Variants in ROS1 observed in about 807,000 individuals in gnomAD.
ROS1 encodes proto-oncogene tyrosine-protein kinase ROS.
ROS1 carries 263 observed loss-of-function variants against 273.5 expected under a neutral mutation model. That is an observed-to-expected ratio of 0.96 (90% CI 0.87 to 1.06). The LOEUF is 1.06. ROS1 is among the 50% of genes least tolerant of loss of function. The probability of loss-of-function intolerance (pLI) is 0.00; values close to 1 mark genes in which losing one functional copy is unlikely to be tolerated. For missense variants in ROS1, 2,833 were observed against 2,751.1 expected (o/e 1.03, Z -0.67); for synonymous variants, 1,008 against 954.1 (o/e 1.06, Z -1.04).
chr6:117,407,011 G>A (rs1774461152), intron 5 of ROS1, among the ~76,000 whole-genome samples: 1 of 107,206 alleles, frequency 9.3e-6, no homozygotes, highest in Non-Finnish European at 1.9e-5. Flanking sequence ...GCACATCAGT[G>A]CACAGCTTGG....
chr6:117,347,519 C>T (rs116154191), intron 27 of ROS1, among the ~76,000 whole-genome samples: 1 of 152,082 alleles, frequency 6.6e-6, no homozygotes, highest in African/African-American at 2.4e-5. Context: ...ACAAAGACAG[C>T]GTTATTTCTT....
intron 4 of ROS1, among the ~76,000 whole-genome samples, chr6:117,411,038 G>T (rs1196427926): frequency 6.6e-6 from 1 of 152,110 alleles, no homozygotes; most frequent in Non-Finnish European, 1.5e-5. Flanking sequence ...GAGAAGAGAC[G>T]AGATGTATTT....
At chr6:117,340,490 TA>T (rs1425702213) in intron 31 of ROS1, among the ~76,000 whole-genome samples, 1 of 152,182 alleles carries the variant, frequency 6.6e-6, no homozygotes, top group Non-Finnish European at 1.5e-5. Flanking sequence ...ATATAATAGT[TA>T]AAATAACAAG....
rs772396536 is a variant in ROS1 at position 117,362,716 on chromosome 6, T to C, written c.3253A>G (p.Asn1085Asp). ...TKFEIFYNIS[N>D]QSITNKTCED... ...CATGTTTTGTTTGTAATACTTTGAT[T>C]GGATATATTGTAGAAAATTTCAAAT... Residue 1085 changes from asparagine to aspartate, a missense_variant, in exon 22 of 44, where the codon AAT becomes GAT. Physicochemically the swap from Asn to Asp is conservative, Grantham distance 23 (BLOSUM62 1). Coordinates refer to ENST00000368507, the MANE Select transcript of ROS1 (RefSeq NM_001378902.1). 6.3e-5 allele frequency: 101 copies of C among 1,613,754 alleles called. No individual in the cohort carries two copies. The highest frequency in any genetic ancestry group is 8.5e-5 in the Non-Finnish European group (100 of 1,179,724).
chr6:117,383,285 T>C (rs971234821), intron 17 of ROS1, 32 bp downstream of exon 17: 21 of 1,484,884 alleles, frequency 1.4e-5, no homozygotes, highest in Non-Finnish European at 1.9e-5. Flanking sequence ...CTATTCAGTA[T>C]TACTAAATGA....
intron 27 of ROS1, among the ~76,000 whole-genome samples, chr6:117,348,410 C>A: frequency 6.6e-6 from 1 of 151,886 alleles, no homozygotes; most frequent in Non-Finnish European, 1.5e-5. Flanking sequence ...CTTTTAATCT[C>A]CATGGGTTCT....
intron 7 of ROS1, among the ~76,000 whole-genome samples, chr6:117,398,131 T>A (rs1321653196): frequency 6.6e-6 from 1 of 152,156 alleles, no homozygotes; most frequent in Admixed American, 6.5e-5. Context: ...AGAAATAAAT[T>A]TCTCCCACTG....
chr6:117,347,998 T>G (rs986173084), intron 27 of ROS1, among the ~76,000 whole-genome samples: 3 of 152,088 alleles, frequency 2.0e-5, no homozygotes, highest in African/African-American at 7.2e-5. Flanking sequence ...TTTGCAATTC[T>G]TGCAATATTC....
At position 117,403,233 on chromosome 6, in the gene ROS1, G is replaced by C. The variant is rs1774100802; in HGVS notation, c.510C>G (p.Phe170Leu). ...AAACCACTCGGAAAATGTACTCAGTGAAGGGGTGCAGGGGCTTGACCACAT... is the reference window on the plus strand; with the variant it reads ...AAACCACTCGGAAAATGTACTCAGTCAAGGGGTGCAGGGGCTTGACCACAT... The part of the protein sequence containing the change: ...PSYVVKPLHP[F>L]TEYIFRVVWI... Residue 170 changes from phenylalanine to leucine, a missense_variant, in exon 7 of 44, where the codon TTC becomes TTG. Transcript: ENST00000368507. The C allele has an allele frequency of 6.2e-7, 1 of 1,612,348 alleles. No individual in the cohort carries two copies. The highest frequency in any genetic ancestry group is 1.3e-5 in the African/African-American group (1 of 74,882).
chr6:117,372,836 A>G (rs1162770149), intron 18 of ROS1, among the ~76,000 whole-genome samples: 2 of 152,192 alleles, frequency 1.3e-5, no homozygotes, highest in Non-Finnish European at 2.9e-5. Context: ...CACTGTGGAA[A>G]AGGATCCATT....
In ROS1 at chr6:117,308,799, A is replaced by G; in HGVS notation, c.6546T>C (p.Asp2182=). Residue 2182 remains aspartate, a synonymous_variant, in exon 42 of 44, where the codon GAT becomes GAC. Transcript: ENST00000368507. The part of the protein sequence containing the change: ...GRLEPPRNCP[D]DLWNLMTQCW... ...TGTTAACATAATTAACTTACAGATCATCAGGACAATTTCTTGGTGGCTCCA... is the reference window on the plus strand; with the variant it reads ...TGTTAACATAATTAACTTACAGATCGTCAGGACAATTTCTTGGTGGCTCCA... 1.2e-6 allele frequency: 2 copies of G among 1,612,650 alleles called. No homozygotes were observed. Among genetic ancestry groups the G allele is most frequent in the Non-Finnish European group, 1.7e-6 (2 of 1,179,364 alleles).
rs1337370599 is a variant in ROS1, at chr6:117,341,524, T to A, written c.4760A>T (p.Tyr1587Phe). 2.5e-6 allele frequency: 4 copies of A among 1,613,684 alleles called. No homozygotes were observed. The highest frequency in any genetic ancestry group is 2.7e-5 in the African/African-American group (2 of 74,890). The change falls in exon 30 of 44, where the codon TAT (tyrosine) becomes TTT (phenylalanine). Residue 1587 changes from tyrosine (Y) to phenylalanine (F), a missense_variant. Tyr to Phe is a conservative substitution (Grantham distance 22). Transcript: ENST00000368507. ...KPNGPKESVR[Y>F]QLAISHLALI... is the part of the protein sequence containing the mutation. Reference sequence around the variant, plus strand: ...GGCCAGGTGTGAGATTGCCAACTGATAACGGACTGATTCTTTAGGTCCATT... The same window carrying A: ...GGCCAGGTGTGAGATTGCCAACTGAAAACGGACTGATTCTTTAGGTCCATT...
chr6:117,423,099 G>A (rs1775879507), intron 1 of ROS1, among the ~76,000 whole-genome samples: 1 of 152,132 alleles, frequency 6.6e-6, no homozygotes, highest in Non-Finnish European at 1.5e-5. Flanking sequence ...TGATAAGTGG[G>A]AGCAAAACTA....
chr6:117,291,223 C>A (rs575348930), intron 43 of ROS1, among the ~76,000 whole-genome samples: 1 of 152,246 alleles, frequency 6.6e-6, no homozygotes, highest in South Asian at 2.1e-4. Context: ...TTATTTCTGT[C>A]ATGGCCCAGA....
chr6:117,378,170 A>C (rs1356027804), intron 18 of ROS1, among the ~76,000 whole-genome samples: 2 of 152,208 alleles, frequency 1.3e-5, no homozygotes, highest in Non-Finnish European at 2.9e-5. Context: ...TTCTACTCCT[A>C]GGTATTTATC....
Position 117,389,406 on chromosome 6 carries a change from A to T in ROS1, c.1730T>A (p.Phe577Tyr), listed in dbSNP as rs1262579913. The change falls in exon 13 of 44, where the codon TTT becomes TAT. Residue 577 changes from phenylalanine (F) to tyrosine (Y), a missense_variant. Coordinates refer to ENST00000368507, the MANE Select transcript of ROS1 (RefSeq NM_001378902.1). ...TTGAACAAGAGCCTGGTGAGAGCCA[A>T]ACAGCACCGAAAGCTCCTGCGGGCG... ...PGRPQELSVL[F>Y]GSHQALVQWK... 6.2e-7 allele frequency: 1 copy of T among 1,614,192 alleles called. No homozygotes were observed. The highest frequency in any genetic ancestry group is 8.5e-7 in the Non-Finnish European group (1 of 1,180,038).
At chr6:117,373,759 C>T (rs912410531) in intron 18 of ROS1, among the ~76,000 whole-genome samples, 11 of 152,222 alleles carry the variant, frequency 7.2e-5, no homozygotes, top group African/African-American at 2.7e-4. Context: ...CTGAAGGGCT[C>T]CTCAAGCATG....
intron 18 of ROS1, among the ~76,000 whole-genome samples, chr6:117,371,654 C>T (rs893083694): frequency 6.6e-6 from 1 of 152,050 alleles, no homozygotes; most frequent in Non-Finnish European, 1.5e-5. Flanking sequence ...ACCTGAAAGC[C>T]CTACTTGCTT....
At chr6:117,350,835 T>TC (rs2128634556) in intron 27 of ROS1, among the ~76,000 whole-genome samples, 1 of 152,266 alleles carries the variant, frequency 6.6e-6, no homozygotes, top group African/African-American at 2.4e-5. Flanking sequence ...CTCTAACATT[T>TC]CTTTTTTTTC....
Sources: allele counts gnomAD v4.1 joint callset (sites outside exome capture counted in the v4.1 genomes callset), GRCh38; gene constraint gnomAD v4.1.1; transcripts MANE v1.5; gene names NCBI Gene and HGNC (gene_info 2026-07-23, HGNC 2026-07-21).